The following CRYBB2 variants were observed in gnomAD, a reference collection of about 807,000 sequenced individuals.
CRYBB2 encodes the protein beta-crystallin B2.
A neutral mutation model predicts 24.3 loss-of-function variants in CRYBB2; 12 were observed. The observed-to-expected ratio is 0.49, with a 90% CI of 0.32 to 0.80. The LOEUF (loss-of-function observed/expected upper bound fraction) is 0.80, where lower values mean the gene tolerates loss of function less well. Ranked by LOEUF, CRYBB2 falls within the 30% of genes least tolerant of loss-of-function variation. The pLI is 0.04. For synonymous variants in CRYBB2, 98 were observed against 101.6 expected (o/e 0.96, Z 0.21); for missense variants, 198 against 268.5 (o/e 0.74, Z 1.83).
At chr22:25,221,291 A>G in intron 1 of CRYBB2, 113 bp from the exon 2 acceptor site, 1 of 736,688 alleles carries the variant, frequency 1.4e-6, no homozygotes, top group Admixed American at 1.9e-5. Context: ...ACAGTCTGAA[A>G]CCAGGAGAAA....
intron 3 of CRYBB2, among the ~76,000 whole-genome samples, chr22:25,225,849 G>C (rs1198472970): frequency 6.6e-6 from 1 of 152,172 alleles, no homozygotes; most frequent in Non-Finnish European, 1.5e-5. Context: ...CAGTGGCCCT[G>C]CCAAGCCTTG....
upstream of CRYBB2, among the ~76,000 whole-genome samples, chr22:25,217,560 G>A (rs4820625): frequency 0.46 from 69,487 of 151,648 alleles, 16,565 homozygotes; most frequent in East Asian, 0.83. Flanking sequence ...CAGGTGATCC[G>A]CCTGGCTTGG....
intron 2 of CRYBB2, among the ~76,000 whole-genome samples, chr22:25,223,741 G>A (rs940539565): frequency 5.3e-5 from 8 of 152,120 alleles, no homozygotes; most frequent in Non-Finnish European, 7.4e-5. Context: ...TAGCTGCCCC[G>A]ACTGAGAGTG....
chr22:25,223,521 A>G (rs1373677406), intron 2 of CRYBB2, among the ~76,000 whole-genome samples: 2 of 152,138 alleles, frequency 1.3e-5, no homozygotes, highest in Non-Finnish European at 2.9e-5. Flanking sequence ...AACTGGATGT[A>G]ACAGAGGACA....
chr22:25,223,375 T>C (rs1218831011), intron 2 of CRYBB2, among the ~76,000 whole-genome samples: 1 of 152,200 alleles, frequency 6.6e-6, no homozygotes, highest in East Asian at 1.9e-4. Context: ...TACTATGTGC[T>C]AACCACCCAC....
chr22:25,211,787 A>G (rs948350139), upstream of CRYBB2, among the ~76,000 whole-genome samples: 15 of 152,240 alleles, frequency 9.9e-5, no homozygotes, highest in African/African-American at 3.6e-4. Flanking sequence ...TTATAAGCGA[A>G]TGAGGTTTAG....
At chr22:25,226,168 CTGTGTGTGTGTGTGTGTGTGTGTGTG>C (rs3064285) in intron 3 of CRYBB2, among the ~76,000 whole-genome samples, 2 of 149,042 alleles carry the variant, frequency 1.3e-5, no homozygotes, top group African/African-American at 2.5e-5. Context: ...TTGGATTTCT[CTGTGTGTGTGTGTGTGTGTGTGTGTG>C]TGTGTGTGTG....
intron 3 of CRYBB2, among the ~76,000 whole-genome samples, 181 bp downstream of exon 3, chr22:25,225,217 AC>A (rs1935391026): frequency 6.6e-6 from 1 of 151,936 alleles, no homozygotes; most frequent in African/African-American, 2.4e-5. Flanking sequence ...TCCAGGTTCC[AC>A]CCCTTCTGGG....
chr22:25,218,802 G>GA (rs1361363729), upstream of CRYBB2, among the ~76,000 whole-genome samples: 2 of 110,308 alleles, frequency 1.8e-5, no homozygotes, highest in African/African-American at 7.7e-5. Context: ...AAGAAAGAAA[G>GA]AAAGAAAGAA....
rs1176682930 is a variant in CRYBB2, at chr22:25,228,980, A to G, written c.307-456A>G. On this transcript the variant is annotated intron_variant, in intron 4 of 5. Transcript: ENST00000398215. ...TGTGCGTGTGTCCATGTGTGTGTGC[A>G]CGCATGTGTGGGTGTGCGTGTGTGT... Among the ~76,000 whole-genome samples the G allele has an allele frequency of 2.7e-5, 4 of 148,854 alleles. No homozygotes were observed. The South Asian group carries it at 6.4e-4, about 24-fold the overall frequency.
At chr22:25,220,784 T>A (rs1935306025) in intron 1 of CRYBB2, among the ~76,000 whole-genome samples, 1 of 152,228 alleles carries the variant, frequency 6.6e-6, no homozygotes, top group Admixed American at 6.5e-5. Context: ...CCACAGTGCC[T>A]GGATTTCTAC....
upstream of CRYBB2, among the ~76,000 whole-genome samples, chr22:25,219,159 C>T (rs1342626851): frequency 5.9e-5 from 9 of 152,154 alleles, no homozygotes; most frequent in Admixed American, 1.3e-4. Context: ...CCTGGGCTGG[C>T]GTAGGTCCTC....
chr22:25,225,586 A>G (rs112565292), intron 3 of CRYBB2, among the ~76,000 whole-genome samples: 3 of 152,242 alleles, frequency 2.0e-5, no homozygotes, highest in African/African-American at 7.2e-5. Flanking sequence ...TGGTTGGCTC[A>G]CCTTATGTGA....
chr22:25,228,034 C>G (rs760721678), intron 4 of CRYBB2, 49 bp downstream of exon 4: 1 of 1,613,046 alleles, frequency 6.2e-7, no homozygotes, highest in South Asian at 1.1e-5. Flanking sequence ...CATCATCCTA[C>G]TTTCTCTCTC....
upstream of CRYBB2, among the ~76,000 whole-genome samples, chr22:25,216,004 A>G (rs1451269019): frequency 6.6e-6 from 1 of 152,244 alleles, no homozygotes; most frequent in Non-Finnish European, 1.5e-5. Context: ...TGATCAATAA[A>G]TACAATACTT....
intron 3 of CRYBB2, among the ~76,000 whole-genome samples, chr22:25,225,855 C>A (rs777424565): frequency 2.6e-5 from 4 of 152,170 alleles, no homozygotes; most frequent in Admixed American, 6.5e-5. Flanking sequence ...CCCTGCCAAG[C>A]CTTGGTCATC....
At position 25,222,323 on chromosome 22, in the gene CRYBB2, A is replaced by T. The variant is rs1387482965; in HGVS notation, c.54+840A>T. Among the ~76,000 whole-genome samples, 4 of 152,318 alleles carry T rather than the reference A, an allele frequency of 2.6e-5. No individual in the cohort carries two copies. The East Asian group carries it at 7.7e-4, about 29-fold the overall frequency. On this transcript the variant is annotated intron_variant, in intron 2 of 5. Coordinates refer to ENST00000398215, the MANE Select transcript of CRYBB2 (RefSeq NM_000496.3). ...CAGACAATAAATAAATGAATATATG[A>T]TTTCCAGTAGTGAGAAGTGCTACAA...
upstream of CRYBB2, among the ~76,000 whole-genome samples, chr22:25,219,078 C>A (rs909579175): frequency 6.6e-5 from 10 of 152,110 alleles, no homozygotes; most frequent in African/African-American, 2.2e-4. Flanking sequence ...ACTGTCCCCC[C>A]ACCCTGTTCC....
At chr22:25,217,798 G>C (rs1192754021), upstream of CRYBB2, among the ~76,000 whole-genome samples, 1 of 152,212 alleles carries the variant, frequency 6.6e-6, no homozygotes, top group Non-Finnish European at 1.5e-5. Context: ...GAAAAGCCCA[G>C]CTAGGGGGCT....
Sources: allele counts gnomAD v4.1 joint callset (sites outside exome capture counted in the v4.1 genomes callset), GRCh38; gene constraint gnomAD v4.1.1; transcripts MANE v1.5; gene names NCBI Gene and HGNC (gene_info 2026-07-23, HGNC 2026-07-21).